Variants in ZNF398 observed in about 807,000 individuals in gnomAD.
ZNF398 encodes zinc finger protein 398.
ZNF398 carries 18 observed loss-of-function variants against 41.9 expected under a neutral mutation model. The observed-to-expected ratio is 0.43, with a 90% CI of 0.30 to 0.64. ZNF398 has a LOEUF of 0.64. ZNF398 is among the 30% of genes least tolerant of loss of function. The probability of loss-of-function intolerance (pLI) is 0.14; values close to 1 mark genes in which losing one functional copy is unlikely to be tolerated. For synonymous variants in ZNF398, 260 were observed against 308.8 expected, an observed-to-expected ratio of 0.84 and a Z score of 1.66; for missense variants, 669 against 822.8, an observed-to-expected ratio of 0.81 and a Z score of 2.29.
rs554554743 is a variant in ZNF398 at position 149,141,932 on chromosome 7, T to C, written c.-489-12013T>C. ...AGCATGCTTTTAGTAAGACAAGTTA[T>C]CATAGGTTGGCATCCATGAAGGCTG... On this transcript the variant is annotated intron_variant, in intron 2 of 6. Transcript: ENST00000426851. 2.6e-5 allele frequency among the ~76,000 whole-genome samples: 4 copies of C among 152,236 alleles called. No homozygotes were observed. The South Asian group carries it at 8.3e-4, about 32-fold the overall frequency.
chr7:149,138,863 T>C (rs905670888), intron 2 of ZNF398, among the ~76,000 whole-genome samples: 71 of 151,520 alleles, frequency 4.7e-4, no homozygotes, highest in African/African-American at 1.7e-3. Flanking sequence ...GATCCTCTCA[T>C]CTCAGCCTCC....
intron 1 of ZNF398, among the ~76,000 whole-genome samples, chr7:149,148,863 CTTTTTT>C (rs59895177): frequency 0.036 from 2,289 of 63,148 alleles, 31 homozygotes; most frequent in Admixed American, 0.07. Context: ...TTTTCTTTGT[CTTTTTT>C]TTTTTTTTTT....
intron 4 of ZNF398, among the ~76,000 whole-genome samples, chr7:149,171,906 T>A (rs1049971667): frequency 2.6e-5 from 4 of 152,172 alleles, no homozygotes; most frequent in Non-Finnish European, 5.9e-5. Flanking sequence ...TGGACTTAAG[T>A]GATCTGCCTG....
intron 1 of ZNF398, chr7:149,151,284 T>C: frequency 1.6e-6 from 2 of 1,244,830 alleles, no homozygotes; most frequent in Non-Finnish European, 2.1e-6. Context: ...GCTGAGCAGG[T>C]GAGGCAGAAA....
chr7:149,148,567 C>A, intron 1 of ZNF398: 2 of 795,520 alleles, frequency 2.5e-6, no homozygotes, highest in Non-Finnish European at 3.0e-6. Context: ...GGAGGAAGAG[C>A]AGCGATGGGT....
chr7:149,152,624 T>C (rs1794870572), intron 1 of ZNF398, among the ~76,000 whole-genome samples: 1 of 150,762 alleles, frequency 6.6e-6, no homozygotes, highest in Non-Finnish European at 1.5e-5. Flanking sequence ...TGGAATGCAA[T>C]GATGCGATCT....
At chr7:149,164,950 G>A (rs1488327009) in intron 2 of ZNF398, among the ~76,000 whole-genome samples, 4 of 151,784 alleles carry the variant, frequency 2.6e-5, no homozygotes, top group African/African-American at 7.3e-5. Flanking sequence ...AAGAATTAGC[G>A]GTGTGTGGTG....
At chr7:149,141,653 A>G (rs899740700) in intron 2 of ZNF398, among the ~76,000 whole-genome samples, 1 of 151,762 alleles carries the variant, frequency 6.6e-6, no homozygotes, top group South Asian at 2.1e-4. Context: ...ACGGGGTTTC[A>G]CCGTGTTAGC....
At chr7:149,164,343 C>T (rs1038775657) in intron 2 of ZNF398, among the ~76,000 whole-genome samples, 2 of 149,226 alleles carry the variant, frequency 1.3e-5, no homozygotes, top group Admixed American at 1.3e-4. Flanking sequence ...GGAGGCAGAG[C>T]TTTCAGTGAG....
intron 1 of ZNF398, among the ~76,000 whole-genome samples, chr7:149,149,744 G>A (rs927653854): frequency 5.3e-5 from 8 of 152,088 alleles, no homozygotes; most frequent in Non-Finnish European, 8.8e-5. Context: ...TACTCAGGAG[G>A]TGGGAGGTGT....
At chr7:149,126,718 C>G in intron 1 of ZNF398, 1 of 155,330 alleles carries the variant, frequency 6.4e-6, no homozygotes, top group Non-Finnish European at 1.4e-5. Flanking sequence ...TCGAGGGTTT[C>G]GTTTGTGAGG....
Position 149,181,617 on chromosome 7 carries a change from G to A in ZNF398, c.*1816G>A, listed in dbSNP as rs1411455351. ...TTCTGGGAAGGCTATGTCTGAACAT[G>A]TTGCTCTGTAGGATAATCACACTTA... On this transcript the variant is annotated 3_prime_UTR_variant, in exon 6 of 6. Coordinates refer to ENST00000475153, the MANE Select transcript of ZNF398 (RefSeq NM_170686.3). The A allele has an allele frequency of 6.6e-6, 1 of 152,288 alleles. No homozygotes were observed. The highest frequency in any genetic ancestry group is 2.4e-5 in the African/African-American group (1 of 41,564). The allele number at this position is 152,288 out of a possible 1,614,324, so 9.4% of individuals were successfully genotyped here.
At chr7:149,177,803 C>G (rs1179572950) in intron 5 of ZNF398, among the ~76,000 whole-genome samples, 2 of 152,122 alleles carry the variant, frequency 1.3e-5, no homozygotes, top group African/African-American at 4.8e-5. Context: ...AAGATTGATG[C>G]CAAGGATTTT....
At chr7:149,170,964 C>T (rs1326729784) in intron 4 of ZNF398, among the ~76,000 whole-genome samples, 2 of 150,232 alleles carry the variant, frequency 1.3e-5, no homozygotes, top group African/African-American at 2.4e-5. Flanking sequence ...CTGCCTCAGC[C>T]TCCTGAGTAG....
At chr7:149,133,263 G>A (rs1826634757) in intron 2 of ZNF398, among the ~76,000 whole-genome samples, 1 of 151,736 alleles carries the variant, frequency 6.6e-6, no homozygotes, top group Non-Finnish European at 1.5e-5. Flanking sequence ...TTATAGGCTT[G>A]CCACCACACC....
chr7:149,176,930 G>A (rs1795473488), intron 5 of ZNF398, among the ~76,000 whole-genome samples: 1 of 152,038 alleles, frequency 6.6e-6, no homozygotes, highest in South Asian at 2.1e-4. Context: ...AAGCCCTGGA[G>A]ACAGAAATGG....
At chr7:149,171,338 CT>C (rs1228358513) in intron 4 of ZNF398, among the ~76,000 whole-genome samples, 2 of 151,662 alleles carry the variant, frequency 1.3e-5, no homozygotes, top group African/African-American at 2.4e-5. Context: ...TCTTTATACC[CT>C]TTTTCTATAA....
Position 149,181,184 on chromosome 7 carries a change from A to T in ZNF398, c.*1383A>T, listed in dbSNP as rs986568310. ...AAAGTGAGCCTCTAGGAATTATTCA[A>T]AAAAAGTCTGTGATACATTCCTTTT... On this transcript the variant is annotated 3_prime_UTR_variant, in exon 6 of 6. Transcript: ENST00000475153. 1 of 152,646 alleles carries T rather than the reference A, an allele frequency of 6.6e-6. No individual in the cohort carries two copies. The highest frequency in any genetic ancestry group is 1.5e-5 in the Non-Finnish European group (1 of 68,038). The allele number at this position is 152,646 out of a possible 1,614,324, so 9.5% of individuals were successfully genotyped here. A position where few individuals can be genotyped will look rare whatever the true frequency, so the allele number is the denominator to read the frequency against.
intron 5 of ZNF398, 112 bp from the exon 6 acceptor site, chr7:149,178,536 G>A: frequency 1.2e-6 from 1 of 850,848 alleles, no homozygotes; most frequent in South Asian, 1.7e-5. Context: ...GCAGCCTTCT[G>A]CTGTATTTCT....
Sources: allele counts gnomAD v4.1 joint callset (sites outside exome capture counted in the v4.1 genomes callset), GRCh38; gene constraint gnomAD v4.1.1; transcripts MANE v1.5; gene names NCBI Gene and HGNC (gene_info 2026-07-23, HGNC 2026-07-21).